The following PRIM2 variants were observed in gnomAD, a reference collection of about 807,000 sequenced individuals.
The protein encoded by PRIM2 is DNA primase large subunit.
PRIM2 carries 39 observed loss-of-function variants against 67.3 expected under a neutral mutation model. The observed-to-expected ratio is 0.58, with a 90% confidence interval of 0.45 to 0.76. The LOEUF (loss-of-function observed/expected upper bound fraction) is 0.76, where lower values mean the gene tolerates loss of function less well. Ranked by LOEUF, PRIM2 falls within the 30% of genes least tolerant of loss-of-function variation. The pLI is 0.00. For missense variants in PRIM2, 398 were observed against 598.7 expected (o/e 0.66, Z 3.50); for synonymous variants, 143 against 198.7 (o/e 0.72, Z 2.36).
intron 5 of PRIM2, among the ~76,000 whole-genome samples, chr6:57,361,522 G>A (rs1769199014): frequency 6.9e-6 from 1 of 144,536 alleles, no homozygotes; most frequent in East Asian, 2.0e-4. Context: ...TTAAGTCCCT[G>A]TGAATGTCAA....
the PRIM2 span, among the ~76,000 whole-genome samples, chr6:57,246,007 C>T: frequency 5.9e-5 from 9 of 152,218 alleles, no homozygotes; most frequent in Admixed American, 5.2e-4. Flanking sequence ...TTTGTGCTTG[C>T]ACACTTATTG....
chr6:57,321,463 C>T (rs1767653333), intron 3 of PRIM2, among the ~76,000 whole-genome samples: 1 of 151,634 alleles, frequency 6.6e-6, no homozygotes, highest in South Asian at 2.1e-4. Context: ...GGTAAGAGCA[C>T]CCTAGAAAAA....
Position 57,318,572 on chromosome 6 carries a change from G to C in PRIM2, c.127G>C (p.Glu43Gln). The stretch of plus-strand genomic sequence containing the variant: ...TGAAAACATATCTTTAATAGAATTT[G>C]AAAACTTGGCTATTGATAGAGTTAA... ...PSENISLIEF[E>Q]NLAIDRVKLL... is the part of the protein sequence containing the mutation. Residue 43 changes from glutamate to glutamine, a missense_variant, in exon 2 of 14, where the codon GAA (glutamate) becomes CAA (glutamine). Physicochemically the swap from Glu to Gln is conservative, Grantham distance 29. Around this residue, in one of 4 missense-constraint regions of PRIM2, gnomAD observed 96 missense variants for 98.3 expected, o/e 0.98. Coordinates refer to ENST00000615550, the MANE Select transcript of PRIM2 (RefSeq NM_000947.5). 5.1e-6 allele frequency: 8 copies of C among 1,575,284 alleles called. No individual in the cohort carries two copies. Among genetic ancestry groups the C allele is most frequent in the Non-Finnish European group, 6.9e-6 (8 of 1,158,854 alleles).
the PRIM2 span, among the ~76,000 whole-genome samples, chr6:57,270,107 G>A: frequency 3.2e-4 from 48 of 151,400 alleles, no homozygotes; most frequent in African/African-American, 1.1e-3. Context: ...TTGACTTGGC[G>A]ATGCGGGCTC....
chr6:57,365,033 C>G (rs1311864251), intron 5 of PRIM2, among the ~76,000 whole-genome samples: 3 of 152,092 alleles, frequency 2.0e-5, no homozygotes, highest in Non-Finnish European at 4.4e-5. Context: ...CCCCTCTCCC[C>G]TTAACATATT....
At chr6:57,254,459 G>A in the PRIM2 span, among the ~76,000 whole-genome samples, 1 of 152,112 alleles carries the variant, frequency 6.6e-6, no homozygotes, top group African/African-American at 2.4e-5. Flanking sequence ...GGCAGGCCGG[G>A]TCTCACTAAC....
the PRIM2 span, among the ~76,000 whole-genome samples, chr6:57,236,365 C>A: frequency 1.3e-5 from 2 of 149,884 alleles, no homozygotes; most frequent in African/African-American, 5.0e-5. Flanking sequence ...TTGCCTCTAG[C>A]CTCCACCTTT....
chr6:57,529,654 G>T (rs1332176279), intron 8 of PRIM2, among the ~76,000 whole-genome samples: 2 of 152,148 alleles, frequency 1.3e-5, no homozygotes, highest in Non-Finnish European at 2.9e-5. Context: ...TACAAGAGGA[G>T]ATGTGTTTTA....
At chr6:57,540,065 A>C in intron 10 of PRIM2, among the ~76,000 whole-genome samples, 1 of 151,640 alleles carries the variant, frequency 6.6e-6, no homozygotes, top group East Asian at 1.9e-4. Context: ...ACTGTTCAGA[A>C]AGGTTTTAAA....
In PRIM2 at chr6:57,599,182, G is replaced by A. The variant is rs1193024399; in HGVS notation, c.1021-1911G>A. 4.6e-5 allele frequency among the ~76,000 whole-genome samples: 3 copies of A among 65,330 alleles called. 1 individual carries two copies. The highest frequency in any genetic ancestry group is 4.3e-4 in the East Asian group (1 of 2,300). 42.9% of individuals were successfully genotyped at this position (65,330 alleles called of 152,430 possible). On this transcript the variant is annotated intron_variant, in intron 10 of 13. Transcript: ENST00000615550. ...AGGATGGTCTCGATCTCCTGACCTCGTGATCCGCCCGCCTCGGCCTCCCAA... is the reference window on the plus strand; with the variant it reads ...AGGATGGTCTCGATCTCCTGACCTCATGATCCGCCCGCCTCGGCCTCCCAA...
chr6:57,319,436 T>C (rs1052766420), intron 2 of PRIM2, among the ~76,000 whole-genome samples: 3 of 152,228 alleles, frequency 2.0e-5, no homozygotes, highest in Non-Finnish European at 4.4e-5. Context: ...GGGTAAGCAC[T>C]GCTAATACAG....
chr6:57,537,341 T>G, intron 9 of PRIM2, 99 bp from the exon 10 acceptor site: 1 of 590,394 alleles, frequency 1.7e-6, no homozygotes, highest in Non-Finnish European at 2.7e-6. Flanking sequence ...GTGTTTTTTT[T>G]TTATTCCAAT....
rs572890819 is a variant in PRIM2, at chr6:57,396,380, C to A, written c.693+14212C>A. On this transcript the variant is annotated intron_variant, in intron 7 of 13. Coordinates refer to ENST00000615550, the MANE Select transcript of PRIM2 (RefSeq NM_000947.5). ...AGGATTGTGATATTTTCCTGTTGGA[C>A]AAGGCCTTTTACCATTCTATAATGT... 2.6e-5 allele frequency among the ~76,000 whole-genome samples: 4 copies of A among 152,182 alleles called. No individual in the cohort carries two copies. In the East Asian group the frequency reaches 7.7e-4, roughly 29 times the overall value.
intron 7 of PRIM2, among the ~76,000 whole-genome samples, chr6:57,481,111 A>C (rs1376516901): frequency 6.6e-6 from 1 of 152,224 alleles, no homozygotes; most frequent in Admixed American, 6.5e-5. Context: ...TTATAATATC[A>C]AAACCAAGAA....
Position 57,356,484 on chromosome 6 carries a change from G to A in PRIM2, c.460-23417G>A, listed in dbSNP as rs528376877. Among the ~76,000 whole-genome samples, 202 of 152,286 alleles carry A rather than the reference G, an allele frequency of 1.3e-3. 5 individuals carry two copies. In the East Asian group the frequency reaches 0.017, roughly 13 times the overall value. ...CAATACCCACTTGAGTTCTTTAACT[G>A]TGCTACAAATATATGTAGAGTAATA... On this transcript the variant is annotated intron_variant, in intron 5 of 13. Coordinates refer to ENST00000615550, the MANE Select transcript of PRIM2 (RefSeq NM_000947.5).
At chr6:57,379,844 A>G in intron 5 of PRIM2, 57 bp from the exon 6 acceptor site, 1 of 1,470,330 alleles carries the variant, frequency 6.8e-7, no homozygotes, top group Non-Finnish European at 9.0e-7. Flanking sequence ...AAATCATTTT[A>G]TTGAAACTGA....
At chr6:57,346,728 A>G (rs1768690538) in intron 5 of PRIM2, among the ~76,000 whole-genome samples, 1 of 152,158 alleles carries the variant, frequency 6.6e-6, no homozygotes, top group South Asian at 2.1e-4. Flanking sequence ...GGTCTAGTTC[A>G]GAGTCTAGGT....
intron 7 of PRIM2, among the ~76,000 whole-genome samples, chr6:57,417,102 G>A (rs1249698493): frequency 6.6e-6 from 1 of 152,052 alleles, no homozygotes. Context: ...GAGTAGCTGG[G>A]ATTACAGGCA....
intron 10 of PRIM2, among the ~76,000 whole-genome samples, chr6:57,556,578 G>A (rs1255605814): frequency 3.3e-5 from 5 of 152,140 alleles, no homozygotes; most frequent in Non-Finnish European, 7.4e-5. Context: ...TAACTGACTA[G>A]CCATATGTAG....
Sources: allele counts gnomAD v4.1 joint callset (sites outside exome capture counted in the v4.1 genomes callset), GRCh38; gene constraint gnomAD v4.1.1; regional missense constraint gnomAD v4.1.1; transcripts MANE v1.5; gene names NCBI Gene and HGNC (gene_info 2026-07-23, HGNC 2026-07-21).